Variants in MYH11 observed in about 807,000 individuals in gnomAD.
MYH11 encodes the protein myosin heavy chain 11.
Under a neutral mutation model 246.6 loss-of-function variants are expected in MYH11, and 80 were observed. The observed-to-expected ratio is 0.32, with a 90% CI of 0.27 to 0.39. The LOEUF (loss-of-function observed/expected upper bound fraction) is 0.39, where lower values mean the gene tolerates loss of function less well. MYH11 is among the 10% of genes least tolerant of loss of function. The pLI, the probability that MYH11 is intolerant of heterozygous loss-of-function variation, is 1.00. For missense variants in MYH11, 2,158 were observed against 2,546.8 expected, an observed-to-expected ratio of 0.85 and a Z score of 3.29; for synonymous variants, 1,071 against 1,015.5, an observed-to-expected ratio of 1.05 and a Z score of -1.04.
In MYH11 at chr16:15,741,796, C is replaced by T; in HGVS notation, c.2616G>A (p.Glu872=). 6.2e-7 allele frequency: 1 copy of T among 1,614,224 alleles called. No individual in the cohort carries two copies. The highest frequency in any genetic ancestry group is 8.5e-7 in the Non-Finnish European group (1 of 1,180,046). ...TCTGTTCCAGCTCCTTAAGCTCATT[C>T]TCTGCCTTCTGCTGCCGCTCCTTGG... ...QKTKERQQKA[E]NELKELEQKH... is the part of the protein sequence containing the mutation. The change falls in exon 21 of 41, where the codon GAG becomes GAA. Residue 872 remains glutamate, a synonymous_variant. Transcript: ENST00000300036.
At chr16:15,773,949 C>T (rs2042163923) in intron 8 of MYH11, among the ~76,000 whole-genome samples, 1 of 152,104 alleles carries the variant, frequency 6.6e-6, no homozygotes, top group African/African-American at 2.4e-5. Context: ...TTCTCCTGCA[C>T]CATTTGCTTT....
At chr16:15,763,741 T>TGGGGGGGGCCCCC in intron 10 of MYH11, 55 bp downstream of exon 10, 1 of 646,852 alleles carries the variant, frequency 1.5e-6, no homozygotes, top group Non-Finnish European at 2.9e-6. Context: ...AAATGTCACC[T>TGGGGGGGGCCCCC]CCCCCACCCC....
chr16:15,716,094 A>G (rs975250763), intron 38 of MYH11, among the ~76,000 whole-genome samples: 1 of 151,950 alleles, frequency 6.6e-6, no homozygotes, highest in African/African-American at 2.4e-5. Flanking sequence ...GAGTGAGACT[A>G]TGTCTCAAAA....
intron 19 of MYH11, among the ~76,000 whole-genome samples, chr16:15,745,578 CTTTCTTTT>C (rs2041395580): frequency 3.1e-5 from 4 of 129,380 alleles, no homozygotes; most frequent in African/African-American, 1.2e-4. Flanking sequence ...TTTTTTCTTT[CTTTCTTTT>C]TTTTTTTTTT....
rs955231377 is a variant in MYH11 at position 15,703,217 on chromosome 16, G to A, written c.*774C>T. The A allele has an allele frequency of 6.7e-5, 14 of 209,086 alleles. No homozygotes were observed. The highest frequency in any genetic ancestry group is 2.7e-4 in the African/African-American group (12 of 44,006). 13.0% of individuals were successfully genotyped at this position (209,086 alleles called of 1,614,324 possible). On this transcript the variant is annotated 3_prime_UTR_variant, in exon 41 of 41. Transcript: ENST00000300036. ...CAGTGCAGCATTCCTGCTCCCCTCC[G>A]TGGGAGCAGCGTCTCCTTTTCAATT...
At chr16:15,818,502 G>A (rs1426778252) in intron 3 of MYH11, among the ~76,000 whole-genome samples, 2 of 151,834 alleles carry the variant, frequency 1.3e-5, no homozygotes, top group Non-Finnish European at 2.9e-5. Context: ...GCGTGATCTC[G>A]GCTCACTGCA....
At chr16:15,823,997 C>G (rs1456376783) in intron 2 of MYH11, among the ~76,000 whole-genome samples, 1 of 152,110 alleles carries the variant, frequency 6.6e-6, no homozygotes, top group Non-Finnish European at 1.5e-5. Context: ...ACTTTACCTC[C>G]CCGGACCTCA....
chr16:15,762,230 C>A lies in MYH11; in HGVS notation c.1129+1566G>T, dbSNP rs560192237. Reference sequence around the variant, plus strand: ...CTTCAAGTGATCCACCTGCCTGGGCCTCCCAAAATCCTAGGATTACAGGCA... The same window carrying A: ...CTTCAAGTGATCCACCTGCCTGGGCATCCCAAAATCCTAGGATTACAGGCA... On this transcript the variant is annotated intron_variant, in intron 10 of 40. Coordinates refer to ENST00000300036, the MANE Select transcript of MYH11 (RefSeq NM_002474.3). 4.6e-5 allele frequency among the ~76,000 whole-genome samples: 7 copies of A among 152,292 alleles called. No homozygotes were observed. The East Asian group carries it at 9.6e-4, about 21-fold the overall frequency.
chr16:15,707,943 G>C (rs1450628352), intron 40 of MYH11, among the ~76,000 whole-genome samples: 1 of 134,394 alleles, frequency 7.4e-6, no homozygotes, highest in African/African-American at 2.9e-5. Flanking sequence ...TTGCACTCCA[G>C]AGCGAGACTC....
chr16:15,798,717 T>A (rs371956212), intron 3 of MYH11, 30 bp from the exon 4 acceptor site: 1 of 1,609,808 alleles, frequency 6.2e-7, no homozygotes, highest in Non-Finnish European at 8.5e-7. Context: ...AAAAGAGCCA[T>A]GAATTAAAAT....
At chr16:15,747,080 A>G (rs2041436900) in intron 19 of MYH11, among the ~76,000 whole-genome samples, 1 of 151,944 alleles carries the variant, frequency 6.6e-6, no homozygotes, top group South Asian at 2.1e-4. Context: ...AGAGAGAGAG[A>G]GAGAGACTCT....
At chr16:15,733,547 G>C (rs57066595) in intron 26 of MYH11, among the ~76,000 whole-genome samples, 53,598 of 150,364 alleles carry the variant, frequency 0.36, 9,878 homozygotes, top group East Asian at 0.57. Flanking sequence ...TTTTTGTTTT[G>C]TTTGTTTGTT....
chr16:15,843,332 C>G (rs1004323909), intron 1 of MYH11, among the ~76,000 whole-genome samples: 1 of 151,158 alleles, frequency 6.6e-6, no homozygotes, highest in Non-Finnish European at 1.5e-5. Context: ...GATCATGCCA[C>G]TGTACTCCAG....
intron 2 of MYH11, among the ~76,000 whole-genome samples, chr16:15,831,185 A>C (rs2043726770): frequency 1.3e-5 from 2 of 152,044 alleles, no homozygotes; most frequent in Admixed American, 1.3e-4. Context: ...AAATAATATA[A>C]ATAAATAAAT....
intron 31 of MYH11, among the ~76,000 whole-genome samples, chr16:15,721,901 A>C (rs1026238435): frequency 7.9e-5 from 12 of 152,082 alleles, no homozygotes; most frequent in African/African-American, 2.9e-4. Context: ...TTTGTCACCC[A>C]GGCTGGAGTG....
chr16:15,845,073 C>A lies in MYH11; in HGVS notation c.-17-6804G>T, dbSNP rs182101367. Among the ~76,000 whole-genome samples, 7 of 152,056 alleles carry A rather than the reference C, an allele frequency of 4.6e-5. No homozygotes were observed. The East Asian group carries it at 1.2e-3, about 25-fold the overall frequency. On this transcript the variant is annotated intron_variant, in intron 1 of 40. Coordinates refer to ENST00000300036, the MANE Select transcript of MYH11 (RefSeq NM_002474.3). Reference sequence around the variant, plus strand: ...AACGTGACTCTGCCACTGCAGAATGCGTGCTTCTGGGTGACTTACGTAGAT... The same window carrying A: ...AACGTGACTCTGCCACTGCAGAATGAGTGCTTCTGGGTGACTTACGTAGAT...
intron 10 of MYH11, 55 bp downstream of exon 10, chr16:15,763,741 T>TGGGGGGGGCCCCCC: frequency 1.5e-6 from 1 of 646,860 alleles, no homozygotes; most frequent in Non-Finnish European, 2.9e-6. Context: ...AAATGTCACC[T>TGGGGGGGGCCCCCC]CCCCCACCCC....
At chr16:15,726,753 G>T in intron 28 of MYH11, 95 bp downstream of exon 28, 4 of 1,437,934 alleles carry the variant, frequency 2.8e-6, no homozygotes, top group South Asian at 1.2e-5. Context: ...TTGCCTTGCA[G>T]CAAGAGAGAC....
intron 3 of MYH11, among the ~76,000 whole-genome samples, chr16:15,816,272 G>A (rs2043260806): frequency 6.6e-6 from 1 of 152,150 alleles, no homozygotes; most frequent in Non-Finnish European, 1.5e-5. Context: ...CAGATCAGAA[G>A]GCTATAGTAG....
Sources: allele counts gnomAD v4.1 joint callset (sites outside exome capture counted in the v4.1 genomes callset), GRCh38; gene constraint gnomAD v4.1.1; transcripts MANE v1.5; gene names NCBI Gene and HGNC (gene_info 2026-07-23, HGNC 2026-07-21).